The following TLE4 variants were observed in gnomAD, a reference collection of about 807,000 sequenced individuals.
TLE4 encodes TLE family member 4, transcriptional corepressor.
In TLE4, 8 loss-of-function variants were observed where a neutral mutation model predicts 92.8. That is an observed-to-expected ratio of 0.09 (90% CI 0.05 to 0.16). The LOEUF is 0.16. Ranked by LOEUF, TLE4 falls within the 10% of genes least tolerant of loss-of-function variation. The pLI is 1.00. For synonymous variants in TLE4, 371 were observed against 374.1 expected (o/e 0.99, Z 0.10); for missense variants, 675 against 997.6 (o/e 0.68, Z 4.36).
At chr9:79,716,734 C>T (rs929219426) in intron 14 of TLE4, among the ~76,000 whole-genome samples, 1 of 152,212 alleles carries the variant, frequency 6.6e-6, no homozygotes, top group Non-Finnish European at 1.5e-5. Context: ...GTCCTTTTCA[C>T]TCTGTTAAAT....
rs115779698 is a variant in TLE4, at chr9:79,601,234, A to G, written c.253-11422A>G. The stretch of plus-strand genomic sequence containing the variant: ...TTGTTGCACACTATGATAATTTATT[A>G]TTCTTTTGAATAGCATGGTATCCTA... On this transcript the variant is annotated intron_variant, in intron 4 of 19. Coordinates refer to ENST00000376552, the MANE Select transcript of TLE4 (RefSeq NM_007005.6). 8.2e-3 allele frequency among the ~76,000 whole-genome samples: 1,251 copies of G among 152,340 alleles called. 21 individuals are homozygous for G. The highest frequency in any genetic ancestry group is 0.028 in the African/African-American group (1,152 of 41,586).
chr9:79,582,602 T>C (rs2132057671), intron 4 of TLE4, among the ~76,000 whole-genome samples: 1 of 152,036 alleles, frequency 6.6e-6, no homozygotes, highest in African/African-American at 2.4e-5. Flanking sequence ...GTTTAAAAAA[T>C]GCATTTATAA....
At chr9:79,631,952 A>C (rs2054386717) in intron 6 of TLE4, among the ~76,000 whole-genome samples, 1 of 152,138 alleles carries the variant, frequency 6.6e-6, no homozygotes, top group Non-Finnish European at 1.5e-5. Context: ...CTCCAGTAAC[A>C]CACAACTTGA....
intron 5 of TLE4, among the ~76,000 whole-genome samples, chr9:79,613,384 G>A (rs938231992): frequency 1.2e-4 from 18 of 152,082 alleles, no homozygotes; most frequent in African/African-American, 4.3e-4. Flanking sequence ...CAGCAAACAG[G>A]CACAGGTTGG....
intron 9 of TLE4, 86 bp from the exon 10 acceptor site, chr9:79,705,803 T>C (rs2071379480): frequency 1.6e-6 from 2 of 1,271,498 alleles, no homozygotes; most frequent in African/African-American, 1.5e-5. Context: ...CTTTATAAGA[T>C]ATGAGGAATT....
At chr9:79,641,429 T>C (rs1340554170) in intron 6 of TLE4, among the ~76,000 whole-genome samples, 2 of 152,310 alleles carry the variant, frequency 1.3e-5, no homozygotes, top group Non-Finnish European at 1.5e-5. Context: ...AGAGCTCTAA[T>C]TATTCTTAAA....
Position 79,722,582 on chromosome 9 carries a change from G to T in TLE4, c.2118G>T (p.Ser706=). 6.2e-7 allele frequency: 1 copy of T among 1,613,966 alleles called. No homozygotes were observed. The highest frequency in any genetic ancestry group is 2.2e-5 in the East Asian group (1 of 44,880). The part of the protein sequence containing the change: ...QLHLHESCVL[S]LKFAHCGKWF... ...ATCTTCATGAGAGCTGTGTGCTGTC[G>T]CTCAAGTTTGCCCATTGTGGTAAGC... The change falls in exon 18 of 20, where the codon TCG becomes TCT. Residue 706 remains serine, a synonymous_variant. Transcript: ENST00000376552.
chr9:79,644,881 A>G (rs557347900), intron 6 of TLE4, among the ~76,000 whole-genome samples: 2 of 152,272 alleles, frequency 1.3e-5, no homozygotes, highest in Non-Finnish European at 2.9e-5. Flanking sequence ...CAGCTTGGCT[A>G]GCTCCTGGTG....
intron 15 of TLE4, among the ~76,000 whole-genome samples, chr9:79,719,174 GCA>G (rs2075138251): frequency 6.6e-6 from 1 of 152,030 alleles, no homozygotes; most frequent in Admixed American, 6.6e-5. Context: ...TGTGGCATGT[GCA>G]CCATACTGAT....
intron 4 of TLE4, among the ~76,000 whole-genome samples, chr9:79,590,320 G>A (rs1483004271): frequency 6.6e-6 from 1 of 152,206 alleles, no homozygotes. Flanking sequence ...AAATTCCAAT[G>A]TGTGCTTCTT....
At chr9:79,672,323 C>A (rs2062544730) in intron 8 of TLE4, among the ~76,000 whole-genome samples, 1 of 152,040 alleles carries the variant, frequency 6.6e-6, no homozygotes, top group African/African-American at 2.4e-5. Flanking sequence ...CCAGAATAAC[C>A]AACCAACATG....
At position 79,670,445 on chromosome 9, in the gene TLE4, A is replaced by G. The variant is rs548209408; in HGVS notation, c.609+16370A>G. Among the ~76,000 whole-genome samples the G allele has an allele frequency of 8.5e-5, 13 of 152,320 alleles. No individual in the cohort carries two copies. In the South Asian group the frequency reaches 2.5e-3, roughly 29 times the overall value. On this transcript the variant is annotated intron_variant, in intron 8 of 19. Coordinates refer to ENST00000376552, the MANE Select transcript of TLE4 (RefSeq NM_007005.6). Reference sequence around the variant, plus strand: ...GGCAGTGACCAGAGATGCAAGGGTAAGCATATTTTTGTAAAAGACCTGTTT... The same window carrying G: ...GGCAGTGACCAGAGATGCAAGGGTAGGCATATTTTTGTAAAAGACCTGTTT...
At chr9:79,658,308 T>C (rs1430086539) in intron 8 of TLE4, among the ~76,000 whole-genome samples, 1 of 152,210 alleles carries the variant, frequency 6.6e-6, no homozygotes, top group Non-Finnish European at 1.5e-5. Context: ...GTGCACTTTA[T>C]TTTTTTAATT....
chr9:79,614,061 G>C (rs2048954130), intron 5 of TLE4, among the ~76,000 whole-genome samples: 1 of 152,146 alleles, frequency 6.6e-6, no homozygotes, highest in Admixed American at 6.5e-5. Flanking sequence ...CTTGGTGAAT[G>C]AGAGTCAAGG....
intron 8 of TLE4, among the ~76,000 whole-genome samples, chr9:79,672,142 C>T: frequency 6.6e-6 from 1 of 151,126 alleles, no homozygotes; most frequent in Non-Finnish European, 1.5e-5. Context: ...AGAGGGTGCG[C>T]AGAATGGAAA....
chr9:79,723,544 T>C (rs2075971333), intron 19 of TLE4, among the ~76,000 whole-genome samples: 1 of 152,228 alleles, frequency 6.6e-6, no homozygotes, highest in Non-Finnish European at 1.5e-5. Context: ...AAGGACCAAA[T>C]TGTAGACATA....
intron 8 of TLE4, among the ~76,000 whole-genome samples, chr9:79,655,401 C>T (rs1474433951): frequency 2.0e-5 from 3 of 152,154 alleles, no homozygotes; most frequent in Non-Finnish European, 4.4e-5. Flanking sequence ...ACTGTGCTAG[C>T]ACTTTGAATG....
intron 4 of TLE4, among the ~76,000 whole-genome samples, chr9:79,578,792 G>A (rs999571731): frequency 4.0e-5 from 6 of 150,868 alleles, no homozygotes; most frequent in Non-Finnish European, 7.4e-5. Flanking sequence ...TTAAATTTTG[G>A]TAACTGAGTA....
chr9:79,593,187 A>C (rs1224257423), intron 4 of TLE4, among the ~76,000 whole-genome samples: 1 of 152,210 alleles, frequency 6.6e-6, no homozygotes, highest in African/African-American at 2.4e-5. Context: ...TGGTGGCATA[A>C]AGCCACAGAT....
Sources: allele counts gnomAD v4.1 joint callset (sites outside exome capture counted in the v4.1 genomes callset), GRCh38; gene constraint gnomAD v4.1.1; transcripts MANE v1.5; gene names NCBI Gene and HGNC (gene_info 2026-07-23, HGNC 2026-07-21).